The following AUTS2 variants were observed in gnomAD, a reference collection of about 807,000 sequenced individuals.
AUTS2 encodes the protein activator of transcription and developmental regulator AUTS2.
A neutral mutation model predicts 112.4 loss-of-function variants in AUTS2; 17 were observed. The observed-to-expected ratio is 0.15, with a 90% CI of 0.10 to 0.23. The LOEUF (loss-of-function observed/expected upper bound fraction) is 0.23. AUTS2 is among the 10% of genes least tolerant of loss of function. The probability of loss-of-function intolerance (pLI) is 1.00; values close to 1 mark genes in which losing one functional copy is unlikely to be tolerated. For missense variants in AUTS2, 1,510 were observed against 1,701.6 expected, an observed-to-expected ratio of 0.89 and a Z score of 1.98; for synonymous variants, 751 against 702.7, an observed-to-expected ratio of 1.07 and a Z score of -1.09.
chr7:70,240,600 C>T (rs1812560644), intron 4 of AUTS2, among the ~76,000 whole-genome samples: 1 of 152,194 alleles, frequency 6.6e-6, no homozygotes, highest in Non-Finnish European at 1.5e-5. Flanking sequence ...GTGTCCCCAT[C>T]TCTAGCCCTT....
intron 2 of AUTS2, among the ~76,000 whole-genome samples, chr7:70,055,022 CT>C (rs1801928537): frequency 6.6e-6 from 1 of 152,060 alleles, no homozygotes; most frequent in African/African-American, 2.4e-5. Flanking sequence ...ACTTTAGGTA[CT>C]TTTGCCTACT....
At chr7:69,601,436 A>T (rs1792401831) in intron 1 of AUTS2, among the ~76,000 whole-genome samples, 1 of 151,814 alleles carries the variant, frequency 6.6e-6, no homozygotes, top group East Asian at 1.9e-4. Context: ...AGCTTTAAAT[A>T]TTTTTTTCAA....
intron 2 of AUTS2, among the ~76,000 whole-genome samples, chr7:70,065,085 A>G (rs1455371753): frequency 2.0e-5 from 3 of 152,182 alleles, no homozygotes; most frequent in Admixed American, 1.3e-4. Flanking sequence ...GGGCATTTCT[A>G]TATGATTGTG....
At chr7:69,736,123 G>A (rs1386033500) in intron 1 of AUTS2, among the ~76,000 whole-genome samples, 1 of 152,158 alleles carries the variant, frequency 6.6e-6, no homozygotes, top group Non-Finnish European at 1.5e-5. Context: ...TGTTTAAAGT[G>A]GTACTTTGTG....
chr7:69,874,710 G>A (rs1793651920), intron 1 of AUTS2, among the ~76,000 whole-genome samples: 1 of 152,240 alleles, frequency 6.6e-6, no homozygotes, highest in African/African-American at 2.4e-5. Context: ...CCAGGCTGGA[G>A]TGCAGTGACG....
At chr7:70,429,614 T>C (rs1472265263) in intron 4 of AUTS2, among the ~76,000 whole-genome samples, 2 of 152,198 alleles carry the variant, frequency 1.3e-5, no homozygotes, top group Non-Finnish European at 2.9e-5. Context: ...GACCACAAGC[T>C]GTTTGCAACC....
intron 1 of AUTS2, among the ~76,000 whole-genome samples, chr7:69,849,251 T>A (rs1467114087): frequency 6.6e-6 from 1 of 152,216 alleles, no homozygotes; most frequent in African/African-American, 2.4e-5. Context: ...CTTGTGACCT[T>A]CAACAAGTTA....
intron 1 of AUTS2, among the ~76,000 whole-genome samples, chr7:69,842,356 T>C (rs958402606): frequency 1.3e-5 from 2 of 152,242 alleles, no homozygotes; most frequent in Admixed American, 1.3e-4. Context: ...TGTGAGTCTC[T>C]TTAAAGCACA....
At chr7:70,408,644 C>T (rs771158833) in intron 4 of AUTS2, among the ~76,000 whole-genome samples, 23 of 152,190 alleles carry the variant, frequency 1.5e-4, no homozygotes, top group Admixed American at 2.6e-4. Flanking sequence ...CCATAAATTA[C>T]TTCCCCCACC....
chr7:70,028,515 C>G (rs1283259602), intron 2 of AUTS2, among the ~76,000 whole-genome samples: 3 of 152,142 alleles, frequency 2.0e-5, no homozygotes, highest in Non-Finnish European at 2.9e-5. Flanking sequence ...TGACTCACTT[C>G]ACATTTAATG....
intron 2 of AUTS2, among the ~76,000 whole-genome samples, chr7:70,013,959 A>C (rs1799917542): frequency 6.6e-6 from 1 of 151,854 alleles, no homozygotes; most frequent in African/African-American, 2.4e-5. Context: ...CTCGTGATCC[A>C]CCCACCTCGG....
At chr7:69,975,309 T>C (rs1798011753) in intron 2 of AUTS2, among the ~76,000 whole-genome samples, 1 of 152,178 alleles carries the variant, frequency 6.6e-6, no homozygotes, top group East Asian at 1.9e-4. Flanking sequence ...TAGCAAAGTT[T>C]AACTATGATG....
At chr7:70,534,207 G>A (rs1225234259) in intron 5 of AUTS2, among the ~76,000 whole-genome samples, 1 of 152,178 alleles carries the variant, frequency 6.6e-6, no homozygotes, top group Non-Finnish European at 1.5e-5. Flanking sequence ...GCCTGGGTGA[G>A]ATGGCCTCAT....
At chr7:70,757,333 T>A (rs73704805) in intron 6 of AUTS2, among the ~76,000 whole-genome samples, 4 of 152,198 alleles carry the variant, frequency 2.6e-5, no homozygotes, top group Non-Finnish European at 5.9e-5. Context: ...GATATCTCAT[T>A]GCACTCTCTT....
chr7:70,434,802 C>T (rs1021201901), intron 4 of AUTS2, among the ~76,000 whole-genome samples: 1 of 152,216 alleles, frequency 6.6e-6, no homozygotes, highest in Non-Finnish European at 1.5e-5. Flanking sequence ...AGGTGAATTT[C>T]AGTCTAGTTT....
At chr7:69,607,007 G>T (rs945802847) in intron 1 of AUTS2, among the ~76,000 whole-genome samples, 1 of 152,192 alleles carries the variant, frequency 6.6e-6, no homozygotes, top group African/African-American at 2.4e-5. Flanking sequence ...CTTTGCATCT[G>T]TTGGTATGCA....
At chr7:69,689,762 C>T (rs1797243370) in intron 1 of AUTS2, among the ~76,000 whole-genome samples, 1 of 151,598 alleles carries the variant, frequency 6.6e-6, no homozygotes, top group Non-Finnish European at 1.5e-5. Context: ...ACTGCAACCT[C>T]TATCTCCCAG....
At chr7:70,028,058 C>A (rs1315442653) in intron 2 of AUTS2, among the ~76,000 whole-genome samples, 1 of 152,044 alleles carries the variant, frequency 6.6e-6, no homozygotes, top group African/African-American at 2.4e-5. Flanking sequence ...CTTTCCCGCT[C>A]TGTCCGCCCC....
intron 1 of AUTS2, among the ~76,000 whole-genome samples, chr7:69,854,175 G>T (rs1020592781): frequency 1.3e-5 from 2 of 152,028 alleles, no homozygotes; most frequent in African/African-American, 4.8e-5. Flanking sequence ...CCTTGTAATT[G>T]CCCAGCACTG....
Sources: gnomAD v4.1 joint callset for allele counts (sites outside exome capture counted in the v4.1 genomes callset) on GRCh38, gnomAD v4.1.1 for gene constraint, MANE v1.5 for transcripts, NCBI Gene and HGNC (gene_info 2026-07-23, HGNC 2026-07-21) for gene names.